ALDH1L2: variants seen among roughly 807,000 people sequenced by gnomAD.
ALDH1L2 encodes mitochondrial 10-formyltetrahydrofolate dehydrogenase.
A neutral mutation model predicts 111.0 loss-of-function variants in ALDH1L2; 91 were observed. The observed-to-expected ratio is 0.82, with a 90% CI of 0.69 to 0.98. The LOEUF is 0.98. Ranked by LOEUF, ALDH1L2 falls within the 50% of genes least tolerant of loss-of-function variation. The pLI is 0.00. For synonymous variants in ALDH1L2, 374 were observed against 392.6 expected, an observed-to-expected ratio of 0.95 and a Z score of 0.56; for missense variants, 995 against 1,126.8, an observed-to-expected ratio of 0.88 and a Z score of 1.67.
intron 21 of ALDH1L2, 104 bp from the exon 22 acceptor site, chr12:105,026,848 T>C (rs1874439045): frequency 7.5e-7 from 1 of 1,336,810 alleles, no homozygotes; most frequent in Non-Finnish European, 1.0e-6. Flanking sequence ...AAAACATTAC[T>C]GCCATCTGCT....
At chr12:105,053,068 C>T in intron 10 of ALDH1L2, 137 bp from the exon 11 acceptor site, 2 of 1,076,746 alleles carry the variant, frequency 1.9e-6, no homozygotes, top group Non-Finnish European at 2.6e-6. Context: ...AGAAGACATG[C>T]ATATGTGAGA....
Position 105,035,727 on chromosome 12 carries a change from G to A in ALDH1L2, c.2146-1329C>T, listed in dbSNP as rs529422424. On this transcript the variant is annotated intron_variant, in intron 18 of 22. Transcript: ENST00000258494. ...TGAAATGAAGGCACTCAAAAATGAC[G>A]GATTTGGAAGACTGATGAATTTTGT... 7.3e-5 allele frequency among the ~76,000 whole-genome samples: 11 copies of A among 151,278 alleles called. No homozygotes were observed. In the East Asian group the frequency reaches 9.7e-4, roughly 13 times the overall value.
At chr12:105,073,751 T>A in intron 2 of ALDH1L2, 110 bp downstream of exon 2, 1 of 1,432,802 alleles carries the variant, frequency 7.0e-7, no homozygotes, top group Non-Finnish European at 9.5e-7. Flanking sequence ...CTTGCTGGAA[T>A]GGCGCTGTGA....
intron 2 of ALDH1L2, among the ~76,000 whole-genome samples, chr12:105,073,611 A>G (rs1328214823): frequency 6.6e-6 from 1 of 152,154 alleles, no homozygotes; most frequent in Non-Finnish European, 1.5e-5. Context: ...TCAAATCTAT[A>G]TTTCTCAGTC....
intron 10 of ALDH1L2, among the ~76,000 whole-genome samples, chr12:105,055,900 A>C (rs1876595911): frequency 6.6e-6 from 1 of 152,190 alleles, no homozygotes. Context: ...AGAGCCTCAG[A>C]GACTTATGGG....
At position 105,063,038 on chromosome 12, in the gene ALDH1L2, AAC is replaced by A; in HGVS notation, c.787-18_787-17del. ...AAGTGACCATCTAGTAAAGAGATCA[AAC>A]ACAGATTGTAAAATCAGGAGAAAAG... is the stretch of plus-strand genomic sequence containing the variant. On this transcript the variant is annotated splice_polypyrimidine_tract_variant and intron_variant, in intron 6 of 22. Transcript: ENST00000258494. 3.1e-6 allele frequency: 5 copies of A among 1,604,282 alleles called. No individual in the cohort carries two copies. The highest frequency in any genetic ancestry group is 4.2e-6 in the Non-Finnish European group (5 of 1,176,996).
rs1876313843 is a variant in ALDH1L2, at chr12:105,052,083, G to T, written c.1535+7C>A. 6.3e-7 allele frequency: 1 copy of T among 1,578,444 alleles called. No individual in the cohort carries two copies. Among genetic ancestry groups the T allele is most frequent in the African/African-American group, 1.4e-5 (1 of 72,570 alleles). ...CTAAAAAATAAAAAAATAAAAAATA[G>T]AAATACCTATACATCAATCTTCCTC... On this transcript the variant is annotated splice_region_variant and intron_variant, in intron 12 of 22. Coordinates refer to ENST00000258494, the MANE Select transcript of ALDH1L2 (RefSeq NM_001034173.4).
rs1232180249 is a variant in ALDH1L2, at chr12:105,071,614, GTATATATA to G, written c.194-818_194-811del. 5.1e-3 allele frequency among the ~76,000 whole-genome samples: 128 copies of G among 25,262 alleles called. 7 individuals carry two copies. The highest frequency in any genetic ancestry group is 0.018 in the African/African-American group (105 of 5,792). 16.6% of individuals were successfully genotyped at this position (25,262 alleles called of 152,430 possible). Reference sequence around the variant, plus strand: ...AAGTACACAGTTTTATATATAAGTAGTATATATATATATATATATATATATATATTTTT... The same window carrying G: ...AAGTACACAGTTTTATATATAAGTAGTATATATATATATATATATATTTTT... On this transcript the variant is annotated intron_variant, in intron 2 of 22. Coordinates refer to ENST00000258494, the MANE Select transcript of ALDH1L2 (RefSeq NM_001034173.4).
intron 6 of ALDH1L2, among the ~76,000 whole-genome samples, chr12:105,064,324 A>G (rs111729623): frequency 0.014 from 2,135 of 151,696 alleles, 66 homozygotes; most frequent in African/African-American, 0.05. Context: ...TAAGGGAGGC[A>G]GTATTATTAG....
intron 12 of ALDH1L2, chr12:105,050,598 T>A (rs931194180): frequency 2.4e-6 from 1 of 416,020 alleles, no homozygotes; most frequent in Non-Finnish European, 4.7e-6. Context: ...TTCTTCTGTA[T>A]TTGTAGTGGT....
chr12:105,072,765 G>A (rs1450883352), intron 2 of ALDH1L2, among the ~76,000 whole-genome samples: 5 of 152,192 alleles, frequency 3.3e-5, no homozygotes, highest in Admixed American at 1.3e-4. Context: ...CCTGAGAGCA[G>A]GAGTTCAAGA....
rs1877635857 is a variant in ALDH1L2 at position 105,070,714 on chromosome 12, T to C, written c.284A>G (p.Tyr95Cys). Residue 95 changes from tyrosine (Y) to cysteine (C), a missense_variant, in exon 3 of 23, where the codon TAC becomes TGC. Transcript: ENST00000258494. ...GKTIKEVAEA[Y>C]RSVGAELNVL... ...ATTTAGCTCTGCACCCACGGATCTG[T>C]AGGCTTCTGCCACTTCTTTGATGGT... 6.2e-7 allele frequency: 1 copy of C among 1,614,222 alleles called. No individual in the cohort carries two copies. The highest frequency in any genetic ancestry group is 8.5e-7 in the Non-Finnish European group (1 of 1,180,030).
At chr12:105,033,023 C>G (rs1274246725) in intron 19 of ALDH1L2, among the ~76,000 whole-genome samples, 1 of 152,192 alleles carries the variant, frequency 6.6e-6, no homozygotes, top group African/African-American at 2.4e-5. Flanking sequence ...TCTGCATCTT[C>G]TAATGTTAAG....
chr12:105,046,432 C>T (rs1345857256), intron 15 of ALDH1L2, among the ~76,000 whole-genome samples: 1 of 151,148 alleles, frequency 6.6e-6, no homozygotes, highest in Non-Finnish European at 1.5e-5. Flanking sequence ...TGGCATTTTG[C>T]AAGAATTGAA....
chr12:105,081,860 A>G (rs1010352427), intron 1 of ALDH1L2, among the ~76,000 whole-genome samples: 1 of 152,238 alleles, frequency 6.6e-6, no homozygotes, highest in African/African-American at 2.4e-5. Context: ...CTTTAATACT[A>G]AACTTAAAAG....
intron 19 of ALDH1L2, among the ~76,000 whole-genome samples, chr12:105,033,489 A>C (rs1416306015): frequency 6.6e-6 from 1 of 152,008 alleles, no homozygotes; most frequent in African/African-American, 2.4e-5. Flanking sequence ...CTTCCTTGTT[A>C]CTCATTCTCA....
chr12:105,052,247 A>G, intron 11 of ALDH1L2, 30 bp from the exon 12 acceptor site: 2 of 1,540,992 alleles, frequency 1.3e-6, no homozygotes, highest in African/African-American at 1.4e-5. Context: ...AATAGGCCCC[A>G]TGAGAGATAT....
chr12:105,028,197 G>A (rs7956643), intron 21 of ALDH1L2, among the ~76,000 whole-genome samples: 14,298 of 152,076 alleles, frequency 0.094, 741 homozygotes, highest in Middle Eastern at 0.13. Context: ...TGCAACCTTC[G>A]CCTCCCAGGT....
chr12:105,084,292 C>A (rs1409435441), intron 1 of ALDH1L2, 97 bp downstream of exon 1: 2 of 1,335,536 alleles, frequency 1.5e-6, no homozygotes, highest in Non-Finnish European at 2.0e-6. Context: ...CTAAGCATCG[C>A]TGCTCATCCC....
Sources: gnomAD v4.1 joint callset for allele counts (sites outside exome capture counted in the v4.1 genomes callset) on GRCh38, gnomAD v4.1.1 for gene constraint, MANE v1.5 for transcripts, NCBI Gene and HGNC (gene_info 2026-07-23, HGNC 2026-07-21) for gene names.